The following RFX7 variants were observed in gnomAD, a reference collection of about 807,000 sequenced individuals.
The protein encoded by RFX7 is DNA-binding protein RFX7.
A neutral mutation model predicts 111.8 loss-of-function variants in RFX7; 26 were observed. The observed-to-expected ratio is 0.23, with a 90% CI of 0.17 to 0.32. The LOEUF (loss-of-function observed/expected upper bound fraction) is 0.32, where lower values mean the gene tolerates loss of function less well. RFX7 is among the 10% of genes least tolerant of loss of function. The pLI is 1.00. For missense variants in RFX7, 1,573 were observed against 1,772.9 expected (o/e 0.89, Z 2.02); for synonymous variants, 624 against 624.4 (o/e 1.00, Z 0.01).
intron 7 of RFX7, 79 bp from the exon 8 acceptor site, chr15:56,101,645 T>C: frequency 8.1e-7 from 1 of 1,238,792 alleles, no homozygotes; most frequent in Non-Finnish European, 1.1e-6. Context: ...ATATGTATTC[T>C]TAATTAGAAG....
chr15:56,154,785 T>C (rs1261709726), intron 3 of RFX7, among the ~76,000 whole-genome samples: 4 of 152,050 alleles, frequency 2.6e-5, no homozygotes, highest in Non-Finnish European at 5.9e-5. Context: ...ACAAGTGAGA[T>C]ATAATTAAAA....
At position 56,089,978 on chromosome 15, in the gene RFX7, T is replaced by G. The variant is rs1391862169; in HGVS notation, c.*3367A>C. 1 of 152,162 alleles carries G rather than the reference T, an allele frequency of 6.6e-6. No homozygotes were observed. The highest frequency in any genetic ancestry group is 1.9e-4 in the East Asian group (1 of 5,186). The allele number at this position is 152,162 out of a possible 1,614,324, so 9.4% of individuals were successfully genotyped here. On this transcript the variant is annotated 3_prime_UTR_variant, in exon 10 of 10. Transcript: ENST00000559447. The stretch of plus-strand genomic sequence containing the variant: ...GTCCCTGGCACTGGTTGTTGTTGCT[T>G]CTCAGTTTCAAGAGTGAGGAAACTC...
rs1458226501 is a variant in RFX7, at chr15:56,098,365, T to C, written c.823A>G (p.Ile275Val). Reference protein sequence around the residue: ...MAAAPAGMKGITQPSAFIPTA... With the variant: ...MAAAPAGMKGVTQPSAFIPTA... ...GGTATAAAAGCAGAAGGCTGGGTAA[T>C]TCCTTTCATTCCTGAAAATAAACAG... is the stretch of plus-strand genomic sequence containing the variant. The change falls in exon 9 of 10, where the codon ATT becomes GTT. Residue 275 changes from isoleucine to valine, a missense_variant. Ile to Val is a conservative substitution (Grantham distance 29). Transcript: ENST00000559447. 2 of 1,589,766 alleles carry C rather than the reference T, an allele frequency of 1.3e-6. No individual in the cohort carries two copies. The highest frequency in any genetic ancestry group is 2.7e-5 in the African/African-American group (2 of 74,372).
rs796796433 is a variant in RFX7 at position 56,187,966 on chromosome 15, A to C, written c.162-8663T>G. On this transcript the variant is annotated intron_variant, in intron 2 of 9. Coordinates refer to ENST00000559447, the MANE Select transcript of RFX7 (RefSeq NM_022841.7). Reference sequence around the variant, plus strand: ...AAAAAGACCTAGAGTCAAGAGAAAAAGCAGCTCACAGACACTAAATCCTGA... The same window carrying C: ...AAAAAGACCTAGAGTCAAGAGAAAACGCAGCTCACAGACACTAAATCCTGA... Among the ~76,000 whole-genome samples, 28 of 152,358 alleles carry C rather than the reference A, an allele frequency of 1.8e-4. 1 individual carries two copies. The highest frequency in any genetic ancestry group is 6.3e-4 in the African/African-American group (26 of 41,580).
rs1032353219 is a variant in RFX7 at position 56,090,753 on chromosome 15, C to T, written c.*2592G>A. The T allele has an allele frequency of 6.6e-6, 1 of 152,514 alleles. No individual in the cohort carries two copies. Among genetic ancestry groups the T allele is most frequent in the African/African-American group, 2.4e-5 (1 of 41,410 alleles). 9.4% of individuals were successfully genotyped at this position (152,514 alleles called of 1,614,324 possible). ...TTGTCATTTATCGTGTAGTAAAGCA[C>T]ATTATAGTACAAGACTATTATATGA... On this transcript the variant is annotated 3_prime_UTR_variant, in exon 10 of 10. Coordinates refer to ENST00000559447, the MANE Select transcript of RFX7 (RefSeq NM_022841.7).
Position 56,087,453 on chromosome 15 carries a change from C to T in RFX7, c.*5892G>A, listed in dbSNP as rs768687446. ...TTTAACATGAAGTCCAGGAGGGCTG[C>T]TTGAGTTCTAGCCATCACATTTGCA... On this transcript the variant is annotated 3_prime_UTR_variant, in exon 10 of 10. Transcript: ENST00000559447. The T allele has an allele frequency of 4.4e-6, 2 of 456,542 alleles. No homozygotes were observed. The highest frequency in any genetic ancestry group is 8.8e-6 in the Non-Finnish European group (2 of 226,966). 28.3% of individuals were successfully genotyped at this position (456,542 alleles called of 1,614,324 possible).
rs148294082 is a variant in RFX7, at chr15:56,161,763, C to G, written c.196-17280G>C. On this transcript the variant is annotated intron_variant, in intron 3 of 9. Coordinates refer to ENST00000559447, the MANE Select transcript of RFX7 (RefSeq NM_022841.7). ...GCTTCATAAGTGCCAAAGTAAGAAC[C>G]AAATGAAATGCTTAGACAAGGGCAT... is the stretch of plus-strand genomic sequence containing the variant. Among the ~76,000 whole-genome samples, 1,116 of 152,058 alleles carry G rather than the reference C, an allele frequency of 7.3e-3. 7 individuals carry two copies. Among genetic ancestry groups the G allele is most frequent in the Admixed American group, 0.015 (224 of 15,280 alleles).
At chr15:56,103,193 A>T (rs1469045356) in intron 6 of RFX7, among the ~76,000 whole-genome samples, 2 of 149,662 alleles carry the variant, frequency 1.3e-5, no homozygotes, top group African/African-American at 4.9e-5. Context: ...AAAGGAAGAA[A>T]CGAAGATAAG....
chr15:56,208,772 T>C (rs1284861549), intron 2 of RFX7, among the ~76,000 whole-genome samples: 1 of 152,162 alleles, frequency 6.6e-6, no homozygotes, highest in Non-Finnish European at 1.5e-5. Flanking sequence ...ATGGACTTAA[T>C]GGTAGGCTGG....
intron 3 of RFX7, among the ~76,000 whole-genome samples, chr15:56,173,018 C>T (rs190695586): frequency 2.1e-4 from 32 of 152,150 alleles, no homozygotes; most frequent in Non-Finnish European, 3.7e-4. Context: ...ACAAATGAGA[C>T]GATTCTATCT....
intron 2 of RFX7, among the ~76,000 whole-genome samples, chr15:56,191,141 G>C (rs1421355810): frequency 6.6e-6 from 1 of 152,204 alleles, no homozygotes; most frequent in Non-Finnish European, 1.5e-5. Flanking sequence ...GGATGTAAAA[G>C]AAGAGAAAGC....
At chr15:56,103,529 C>T in intron 6 of RFX7, 25 bp downstream of exon 6, 3 of 1,451,106 alleles carry the variant, frequency 2.1e-6, no homozygotes, top group Non-Finnish European at 2.9e-6. Flanking sequence ...AGAGATATTA[C>T]TAACACCATT....
chr15:56,094,072 ATGT>A lies in RFX7; in HGVS notation c.3653_3655del (p.Asn1218del). 1 of 1,613,986 alleles carries A rather than the reference ATGT, an allele frequency of 6.2e-7. No homozygotes were observed. Among genetic ancestry groups the A allele is most frequent in the Non-Finnish European group, 8.5e-7 (1 of 1,179,874 alleles). ...TGGAACTGATTGGCTTCTTTGAGCTATGTTGTTGGCACATGCGTCTGTGTGAAC... is the reference window on the plus strand; with the variant it reads ...TGGAACTGATTGGCTTCTTTGAGCTATGTTGGCACATGCGTCTGTGTGAAC... On this transcript the variant is annotated inframe_deletion, in exon 10 of 10. Transcript: ENST00000559447.
At chr15:56,119,776 CAAA>C (rs1207159378) in intron 5 of RFX7, among the ~76,000 whole-genome samples, 4 of 65,260 alleles carry the variant, frequency 6.1e-5, no homozygotes, top group Admixed American at 1.7e-4. Flanking sequence ...CACTGTGTCT[CAAA>C]AAAAAAAAAA....
At chr15:56,218,062 A>G (rs1334673115) in intron 2 of RFX7, among the ~76,000 whole-genome samples, 1 of 150,862 alleles carries the variant, frequency 6.6e-6, no homozygotes, top group Non-Finnish European at 1.5e-5. Flanking sequence ...TTGGGTCATC[A>G]TTCCCTAACA....
At chr15:56,227,068 A>C (rs1165379495) in intron 2 of RFX7, among the ~76,000 whole-genome samples, 1 of 152,232 alleles carries the variant, frequency 6.6e-6, no homozygotes, top group Non-Finnish European at 1.5e-5. Flanking sequence ...ATTAATTCTA[A>C]GTAGAAAAAT....
chr15:56,126,041 T>C (rs960228528), intron 5 of RFX7, among the ~76,000 whole-genome samples: 7 of 152,204 alleles, frequency 4.6e-5, no homozygotes, highest in African/African-American at 7.2e-5. Flanking sequence ...GTTTTCATAG[T>C]TTTTATTTCT....
chr15:56,198,945 G>A (rs183583812), intron 2 of RFX7, among the ~76,000 whole-genome samples: 1 of 152,008 alleles, frequency 6.6e-6, no homozygotes, highest in Admixed American at 6.5e-5. Flanking sequence ...AGGATCACTT[G>A]AGGCCAGGAG....
intron 3 of RFX7, among the ~76,000 whole-genome samples, chr15:56,171,608 A>C (rs1251588966): frequency 6.6e-6 from 1 of 152,206 alleles, no homozygotes. Flanking sequence ...GGCACTGCTA[A>C]CAACTTAGTT....
Sources: allele counts gnomAD v4.1 joint callset (sites outside exome capture counted in the v4.1 genomes callset), GRCh38; gene constraint gnomAD v4.1.1; transcripts MANE v1.5; gene names NCBI Gene and HGNC (gene_info 2026-07-23, HGNC 2026-07-21).